Variants in ADGRL3 observed in about 807,000 individuals in gnomAD.
The protein encoded by ADGRL3 is calcium-independent alpha-latrotoxin receptor 3.
A neutral mutation model predicts 153.5 loss-of-function variants in ADGRL3; 62 were observed. The observed-to-expected ratio is 0.40, with a 90% CI of 0.33 to 0.50. The LOEUF (loss-of-function observed/expected upper bound fraction) is 0.50. ADGRL3 is among the 20% of genes least tolerant of loss of function. The pLI is 0.47. For missense variants in ADGRL3, 1,641 were observed against 1,859.4 expected (o/e 0.88, Z 2.16); for synonymous variants, 710 against 672.5 (o/e 1.06, Z -0.86).
At chr4:61,239,736 A>C (rs1325697366) in intron 1 of ADGRL3, among the ~76,000 whole-genome samples, 1 of 152,098 alleles carries the variant, frequency 6.6e-6, no homozygotes, top group Non-Finnish European at 1.5e-5. Flanking sequence ...AATGTAATTA[A>C]ATTTTAGCAT....
At chr4:61,678,079 G>A (rs1217953849) in intron 6 of ADGRL3, among the ~76,000 whole-genome samples, 1 of 151,788 alleles carries the variant, frequency 6.6e-6, no homozygotes, top group East Asian at 1.9e-4. Flanking sequence ...TCTCATTTAG[G>A]TTATGCTTCT....
chr4:61,666,950 G>T (rs922166189), intron 5 of ADGRL3, among the ~76,000 whole-genome samples: 13 of 152,168 alleles, frequency 8.5e-5, no homozygotes, highest in Admixed American at 4.6e-4. Context: ...ACTAGTGAAA[G>T]ATTACAGCTT....
At chr4:61,278,596 C>T (rs376283010) in intron 1 of ADGRL3, among the ~76,000 whole-genome samples, 34 of 152,168 alleles carry the variant, frequency 2.2e-4, no homozygotes, top group African/African-American at 7.9e-4. Flanking sequence ...CTCCACCTCC[C>T]GGGTTCAAGT....
At chr4:61,322,085 C>T (rs1260996924) in intron 1 of ADGRL3, among the ~76,000 whole-genome samples, 1 of 152,134 alleles carries the variant, frequency 6.6e-6, no homozygotes, top group Non-Finnish European at 1.5e-5. Context: ...ACAATTGTGG[C>T]AGAAGGCAAG....
At chr4:61,551,200 A>G (rs2098738855) in intron 4 of ADGRL3, among the ~76,000 whole-genome samples, 1 of 152,144 alleles carries the variant, frequency 6.6e-6, no homozygotes, top group Admixed American at 6.5e-5. Context: ...AGACAAGTGT[A>G]ATCGCAATTA....
At chr4:61,990,994 G>A (rs905786731) in intron 19 of ADGRL3, among the ~76,000 whole-genome samples, 4 of 142,456 alleles carry the variant, frequency 2.8e-5, no homozygotes, top group Admixed American at 7.2e-5. Context: ...GTGTGTGTAC[G>A]TATTTATGAA....
At chr4:61,603,511 A>G (rs2099020275) in intron 5 of ADGRL3, among the ~76,000 whole-genome samples, 1 of 152,180 alleles carries the variant, frequency 6.6e-6, no homozygotes, top group Non-Finnish European at 1.5e-5. Context: ...CACAAAGTGA[A>G]AATGGGATCA....
At chr4:61,885,531 TA>T (rs1319782196) in intron 9 of ADGRL3, among the ~76,000 whole-genome samples, 1 of 152,162 alleles carries the variant, frequency 6.6e-6, no homozygotes, top group Non-Finnish European at 1.5e-5. Flanking sequence ...TTAGTCCTTG[TA>T]AAGTGTTCAG....
In ADGRL3 at chr4:61,517,399, G is replaced by T. The variant is rs2098503226; in HGVS notation, c.140G>T (p.Arg47Ile). Residue 47 changes from arginine to isoleucine, a missense_variant, in exon 4 of 27, where the codon AGA becomes ATA. By Grantham distance (97) the Arg-to-Ile change is moderately conservative. Coordinates refer to ENST00000683033, the MANE Select transcript of ADGRL3 (RefSeq NM_001387552.1). ...AGCCCAGGAGGCGCTCTTCCACCCAGACATCTGCTTCAGCAGCCAGCTGCA... is the reference window on the plus strand; with the variant it reads ...AGCCCAGGAGGCGCTCTTCCACCCATACATCTGCTTCAGCAGCCAGCTGCA... ...ERSPGGALPP[R>I]HLLQQPAAER... 1.4e-6 allele frequency: 1 copy of T among 738,788 alleles called. No individual in the cohort carries two copies. Among genetic ancestry groups the T allele is most frequent in the Admixed American group, 2.0e-5 (1 of 50,060 alleles). The allele number at this position is 738,788 out of a possible 1,614,324, so 45.8% of individuals were successfully genotyped here. A position where few individuals can be genotyped will look rare whatever the true frequency, so the allele number is the denominator to read the frequency against.
At position 61,946,899 on chromosome 4, in the gene ADGRL3, T is replaced by A. The variant is rs755195740; in HGVS notation, c.2420-15T>A. On this transcript the variant is annotated splice_polypyrimidine_tract_variant and intron_variant, in intron 15 of 26. Coordinates refer to ENST00000683033, the MANE Select transcript of ADGRL3 (RefSeq NM_001387552.1). ...GTAGAGTGGACAAACTAATCAGAGT[T>A]TGCATTTACTTTAGGAGAGATCAGA... 4 of 1,599,274 alleles carry A rather than the reference T, an allele frequency of 2.5e-6. No homozygotes were observed. The highest frequency in any genetic ancestry group is 2.6e-6 in the Non-Finnish European group (3 of 1,166,654).
At chr4:61,282,669 T>A (rs1169002301) in intron 1 of ADGRL3, among the ~76,000 whole-genome samples, 1 of 152,150 alleles carries the variant, frequency 6.6e-6, no homozygotes, top group African/African-American at 2.4e-5. Context: ...CTTTCTTAGT[T>A]CCTATACATA....
intron 1 of ADGRL3, among the ~76,000 whole-genome samples, chr4:61,273,794 G>A (rs2093325436): frequency 6.6e-6 from 1 of 152,040 alleles, no homozygotes; most frequent in East Asian, 1.9e-4. Flanking sequence ...AATTGGTGGT[G>A]CAAGTCTTAA....
chr4:61,963,127 G>A (rs564753992), intron 17 of ADGRL3, among the ~76,000 whole-genome samples: 29 of 147,640 alleles, frequency 2.0e-4, no homozygotes, highest in African/African-American at 6.6e-4. Context: ...ATATAAGGCT[G>A]TATTTTTTTT....
chr4:61,859,703 G>A (rs1481889396), intron 9 of ADGRL3, among the ~76,000 whole-genome samples: 1 of 152,118 alleles, frequency 6.6e-6, no homozygotes, highest in Non-Finnish European at 1.5e-5. Context: ...TTATAACTTA[G>A]TTCAGATTAA....
chr4:61,530,603 T>A (rs949780295), intron 4 of ADGRL3, among the ~76,000 whole-genome samples: 3 of 152,156 alleles, frequency 2.0e-5, no homozygotes, highest in Non-Finnish European at 2.9e-5. Flanking sequence ...AATATGTTAA[T>A]TCATTATTTA....
At chr4:61,914,118 A>T (rs1055259085) in intron 13 of ADGRL3, among the ~76,000 whole-genome samples, 2 of 152,130 alleles carry the variant, frequency 1.3e-5, no homozygotes, top group Non-Finnish European at 2.9e-5. Context: ...GAGTAGATTC[A>T]GCTTTCTTTG....
intron 1 of ADGRL3, among the ~76,000 whole-genome samples, chr4:61,382,844 T>C (rs1377339857): frequency 6.6e-6 from 1 of 151,838 alleles, no homozygotes; most frequent in Non-Finnish European, 1.5e-5. Context: ...TATTAAAAAC[T>C]GTTATAGTCT....
At chr4:61,704,774 T>C (rs2095827948) in intron 6 of ADGRL3, among the ~76,000 whole-genome samples, 1 of 152,314 alleles carries the variant, frequency 6.6e-6, no homozygotes, top group Admixed American at 6.5e-5. Context: ...GTAATATTCT[T>C]TATTGTCATT....
intron 25 of ADGRL3, among the ~76,000 whole-genome samples, chr4:62,059,596 G>A (rs1308525750): frequency 6.6e-6 from 1 of 152,042 alleles, no homozygotes; most frequent in Non-Finnish European, 1.5e-5. Context: ...TTTTATAAGT[G>A]TTTATATGGT....
Sources: allele counts gnomAD v4.1 joint callset (sites outside exome capture counted in the v4.1 genomes callset), GRCh38; gene constraint gnomAD v4.1.1; transcripts MANE v1.5; gene names NCBI Gene and HGNC (gene_info 2026-07-23, HGNC 2026-07-21).